CAMTA1: variants seen among roughly 807,000 people sequenced by gnomAD.
CAMTA1 encodes the protein calmodulin binding transcription activator 1.
In CAMTA1, 27 loss-of-function variants were observed where a neutral mutation model predicts 170.9. That is an observed-to-expected ratio of 0.16 (90% CI 0.12 to 0.22). The LOEUF (loss-of-function observed/expected upper bound fraction) is 0.22. Among genes scored for constraint, CAMTA1 ranks in the 10% least tolerant of loss-of-function variants. The pLI, the probability that CAMTA1 is intolerant of heterozygous loss-of-function variation, is 1.00. For synonymous variants in CAMTA1, 833 were observed against 891.5 expected (o/e 0.93, Z 1.17); for missense variants, 1,619 against 2,217.2 (o/e 0.73, Z 5.42).
chr1:6,872,076 A>AT (rs1413526820), intron 3 of CAMTA1: 1 of 715,872 alleles, frequency 1.4e-6, no homozygotes, highest in African/African-American at 1.9e-5. Flanking sequence ...GCATTTCCCC[A>AT]TACAGTATAT....
intron 3 of CAMTA1, among the ~76,000 whole-genome samples, chr1:6,864,069 A>G (rs1665742135): frequency 6.6e-6 from 1 of 152,160 alleles, no homozygotes; most frequent in South Asian, 2.1e-4. Context: ...CATTCTCATC[A>G]CATCATATCA....
rs1470955136 is a variant in CAMTA1 at position 7,703,282 on chromosome 1, C to T, written c.2914+25549C>T. 4.6e-5 allele frequency among the ~76,000 whole-genome samples: 7 copies of T among 151,314 alleles called. No homozygotes were observed. In the East Asian group the frequency reaches 1.4e-3, roughly 29 times the overall value. On this transcript the variant is annotated intron_variant, in intron 11 of 22. Coordinates refer to ENST00000303635, the MANE Select transcript of CAMTA1 (RefSeq NM_015215.4). Reference sequence around the variant, plus strand: ...TAGCAAAGGTGGTGGGGGGAGCGTGCAAGGGGTCCTGCGTGGTGACCCGGG... The same window carrying T: ...TAGCAAAGGTGGTGGGGGGAGCGTGTAAGGGGTCCTGCGTGGTGACCCGGG...
intron 3 of CAMTA1, among the ~76,000 whole-genome samples, chr1:6,993,491 A>G (rs1047538709): frequency 6.6e-6 from 1 of 152,052 alleles, no homozygotes. Context: ...AATTGAGATA[A>G]TAGGTCTATT....
intron 6 of CAMTA1, among the ~76,000 whole-genome samples, chr1:7,600,570 G>T (rs1299946557): frequency 6.6e-6 from 1 of 151,496 alleles, no homozygotes; most frequent in East Asian, 1.9e-4. Context: ...AATAGTGGAG[G>T]GAAGGTCAGC....
At chr1:7,264,676 CGTTA>C (rs1336411702) in intron 5 of CAMTA1, among the ~76,000 whole-genome samples, 1 of 152,040 alleles carries the variant, frequency 6.6e-6, no homozygotes, top group Non-Finnish European at 1.5e-5. Context: ...AATGCGGCAG[CGTTA>C]GTTAATTTAC....
Position 7,738,050 on chromosome 1 carries a change from T to C in CAMTA1, c.3750T>C (p.Pro1250=). ...YPAPKKHKLN[P]EYFQTRQEKL... ...CTCCCAAAAAGCATAAATTGAACCCTGAGTACTTCCAGACAAGGCAGGAGA... is the reference window on the plus strand; with the variant it reads ...CTCCCAAAAAGCATAAATTGAACCCCGAGTACTTCCAGACAAGGCAGGAGA... The change falls in exon 16 of 23, where the codon CCT becomes CCC. Residue 1250 remains proline (P), a synonymous_variant. Transcript: ENST00000303635. The surrounding 1 kb of genome is among the most constrained non-coding windows in gnomAD (Gnocchi z 4.9). 3 of 1,614,140 alleles carry C rather than the reference T, an allele frequency of 1.9e-6. No individual in the cohort carries two copies. Among genetic ancestry groups the C allele is most frequent in the Non-Finnish European group, 2.5e-6 (3 of 1,180,026 alleles).
In CAMTA1 at chr1:7,067,131, T is replaced by C. The variant is rs776978533; in HGVS notation, c.235-24173T>C. The stretch of plus-strand genomic sequence containing the variant: ...GGGCACCCCCTTACCCATAGCACTG[T>C]CTCATCAGAAGTTGGCTGGAGTGTT... On this transcript the variant is annotated intron_variant, in intron 3 of 22. Transcript: ENST00000303635. This position sits in a 1 kb window ranked among gnomAD's most constrained non-coding sequence, Gnocchi z 4.3. Among the ~76,000 whole-genome samples, 4 of 152,188 alleles carry C rather than the reference T, an allele frequency of 2.6e-5. No homozygotes were observed. The highest frequency in any genetic ancestry group is 5.9e-5 in the Non-Finnish European group (4 of 68,036).
At chr1:7,756,584 CATGCCT>C (rs917670301) in intron 22 of CAMTA1, among the ~76,000 whole-genome samples, 1 of 152,122 alleles carries the variant, frequency 6.6e-6, no homozygotes, top group African/African-American at 2.4e-5. Flanking sequence ...TACGATGGCT[CATGCCT>C]ATAATCCCAG....
chr1:7,496,229 C>A (rs958020186), intron 6 of CAMTA1, among the ~76,000 whole-genome samples: 1 of 152,230 alleles, frequency 6.6e-6, no homozygotes, highest in South Asian at 2.1e-4. Context: ...AGTCCATGTG[C>A]GGGAGGAGGT....
At chr1:6,828,378 G>A (rs575771223) in intron 3 of CAMTA1, among the ~76,000 whole-genome samples, 30 of 129,010 alleles carry the variant, frequency 2.3e-4, no homozygotes, top group Non-Finnish European at 4.2e-4. Flanking sequence ...TGCAACCTCC[G>A]CCTCCCGGGT....
intron 3 of CAMTA1, among the ~76,000 whole-genome samples, chr1:7,086,051 C>T (rs1640695995): frequency 6.6e-6 from 1 of 152,182 alleles, no homozygotes; most frequent in African/African-American, 2.4e-5. Context: ...ACAGAGGGGC[C>T]TGTCTGGGAC....
At chr1:7,610,152 T>C (rs1411305811) in intron 6 of CAMTA1, among the ~76,000 whole-genome samples, 2 of 152,190 alleles carry the variant, frequency 1.3e-5, no homozygotes, top group African/African-American at 2.4e-5. Flanking sequence ...CGTGCTCACA[T>C]GTGCTCACAT....
chr1:6,888,417 G>A (rs920333170), intron 3 of CAMTA1, among the ~76,000 whole-genome samples: 2 of 152,160 alleles, frequency 1.3e-5, no homozygotes, highest in Non-Finnish European at 2.9e-5. Flanking sequence ...TATATGTGAT[G>A]GTATCGGTGC....
At chr1:6,798,795 A>G (rs1287495016) in intron 1 of CAMTA1, among the ~76,000 whole-genome samples, 1 of 150,444 alleles carries the variant, frequency 6.6e-6, no homozygotes, top group Non-Finnish European at 1.5e-5. Flanking sequence ...ACGGGGTTTC[A>G]CCTTGTTAGC....
At chr1:7,454,173 G>A (rs185037020) in intron 5 of CAMTA1, among the ~76,000 whole-genome samples, 101 of 152,206 alleles carry the variant, frequency 6.6e-4, no homozygotes, top group African/African-American at 2.3e-3. Context: ...AAAACAGCCC[G>A]GACTCCTTGA....
chr1:7,411,210 G>A (rs76735806), intron 5 of CAMTA1, among the ~76,000 whole-genome samples: 1,688 of 152,258 alleles, frequency 0.011, 34 homozygotes, highest in African/African-American at 0.039. Context: ...GAGGGGCCGC[G>A]TCGGACCCTG....
At chr1:6,820,910 C>A (rs764956767) in intron 2 of CAMTA1, among the ~76,000 whole-genome samples, 18 of 152,192 alleles carry the variant, frequency 1.2e-4, no homozygotes, top group African/African-American at 1.9e-4. Flanking sequence ...GCTTACAGGG[C>A]TGCTGTGCCC....
chr1:7,428,663 C>T (rs1440144839), intron 5 of CAMTA1, among the ~76,000 whole-genome samples: 1 of 152,196 alleles, frequency 6.6e-6, no homozygotes, highest in Admixed American at 6.5e-5. Context: ...TCTGACCCCC[C>T]ACACTGTCCT....
At chr1:7,107,048 G>C (rs982412585) in intron 4 of CAMTA1, among the ~76,000 whole-genome samples, 6 of 152,150 alleles carry the variant, frequency 3.9e-5, no homozygotes, top group Admixed American at 3.9e-4. Context: ...GGGAGAGGGG[G>C]CCTCGAAATG....
Sources: allele counts gnomAD v4.1 joint callset (sites outside exome capture counted in the v4.1 genomes callset), GRCh38; gene constraint gnomAD v4.1.1; non-coding constraint Gnocchi (gnomAD v3.1); transcripts MANE v1.5; gene names NCBI Gene and HGNC (gene_info 2026-07-23, HGNC 2026-07-21).